The following STARD13 variants were observed in gnomAD, a reference collection of about 807,000 sequenced individuals.
STARD13 encodes the protein stAR-related lipid transfer protein 13.
A neutral mutation model predicts 106.4 loss-of-function variants in STARD13; 62 were observed. The observed-to-expected ratio is 0.58, with a 90% CI of 0.48 to 0.72. The LOEUF (loss-of-function observed/expected upper bound fraction) is 0.72. Ranked by LOEUF, STARD13 falls within the 30% of genes least tolerant of loss-of-function variation. STARD13 has a pLI of 0.00. For missense variants in STARD13, 1,387 were observed against 1,424.0 expected, an observed-to-expected ratio of 0.97 and a Z score of 0.42; for synonymous variants, 565 against 553.0, an observed-to-expected ratio of 1.02 and a Z score of -0.31.
Position 33,300,918 on chromosome 13 carries a change from C to T in STARD13, c.124+49372G>A, listed in dbSNP as rs573932924. Among the ~76,000 whole-genome samples the T allele has an allele frequency of 9.9e-5, 15 of 152,252 alleles. No homozygotes were observed. The South Asian group carries it at 1.0e-3, about 11-fold the overall frequency. ...AGAGGCTTTGAACATGCGCTTCCCT[C>T]GTACTGAGCTAAAATGCTAACCATC... On this transcript the variant is annotated intron_variant, in intron 1 of 5. Coordinates refer to the STARD13 transcript ENST00000567873.
At chr13:33,523,629 T>C in the STARD13 span, among the ~76,000 whole-genome samples, 5 of 152,148 alleles carry the variant, frequency 3.3e-5, no homozygotes, top group Non-Finnish European at 4.4e-5. Flanking sequence ...TCAAAAAAGT[T>C]ATAAATATAA....
At chr13:33,421,077 GCAGAAGGCAAGAAATAACTAAGAT>G in the STARD13 span, among the ~76,000 whole-genome samples, 1 of 152,146 alleles carries the variant, frequency 6.6e-6, no homozygotes, top group Non-Finnish European at 1.5e-5. Context: ...TCAAAAGCTA[GCAGAAGGCAAGAAATAACTAAGAT>G]CAGAGCAGAA....
At chr13:33,223,751 G>T (rs1000472130) in intron 1 of STARD13, among the ~76,000 whole-genome samples, 1 of 151,974 alleles carries the variant, frequency 6.6e-6, no homozygotes, top group Non-Finnish European at 1.5e-5. Flanking sequence ...CCTCTATCTT[G>T]TAAGTATGCC....
At chr13:33,350,585 C>T in exon 1 of STARD13, 2 of 1,388,654 alleles carry the variant, frequency 1.4e-6, no homozygotes. Flanking sequence ...GCGCCACGCG[C>T]GAGGACCGGG....
At chr13:33,495,825 ATAT>A in the STARD13 span, among the ~76,000 whole-genome samples, 1 of 145,560 alleles carries the variant, frequency 6.9e-6, no homozygotes, top group African/African-American at 2.5e-5. Flanking sequence ...TACATAATTA[ATAT>A]TATACAATTA....
chr13:33,308,520 C>CTTTTTTTTTTTTTTTTTTTTTTTTTTTT (rs552526416), intron 1 of STARD13, among the ~76,000 whole-genome samples: 23 of 88,550 alleles, frequency 2.6e-4, no homozygotes, highest in Non-Finnish European at 3.0e-4. Context: ...CTTTTTCTTT[C>CTTTTTTTTTTTTTTTTTTTTTTTTTTTT]TTTTTTTTTT....
chr13:33,377,731 A>G, the STARD13 span, among the ~76,000 whole-genome samples: 362 of 152,266 alleles, frequency 2.4e-3, 2 homozygotes, highest in African/African-American at 7.6e-3. Flanking sequence ...CCATATCACA[A>G]TAGAAAAGCC....
At chr13:33,500,445 T>C in the STARD13 span, among the ~76,000 whole-genome samples, 13 of 152,240 alleles carry the variant, frequency 8.5e-5, no homozygotes, top group African/African-American at 3.1e-4. Flanking sequence ...TGTATCATTA[T>C]ACTTATAAAA....
At chr13:33,141,636 C>T (rs1879844793) in intron 4 of STARD13, among the ~76,000 whole-genome samples, 2 of 151,954 alleles carry the variant, frequency 1.3e-5, no homozygotes, top group Non-Finnish European at 2.9e-5. Flanking sequence ...GTCCCTGGGC[C>T]CCCTCATACA....
At chr13:33,343,601 ATC>A (rs769732789) in intron 1 of STARD13, among the ~76,000 whole-genome samples, 8,642 of 73,904 alleles carry the variant, frequency 0.12, 1,480 homozygotes, top group African/African-American at 0.16. Context: ...AAAAAAACAA[ATC>A]TACAAATCTA....
chr13:33,141,165 A>G (rs1231971970), intron 4 of STARD13, among the ~76,000 whole-genome samples: 1 of 152,156 alleles, frequency 6.6e-6, no homozygotes. Flanking sequence ...GTAGTTAAGG[A>G]CCCTAATTCT....
intron 1 of STARD13, among the ~76,000 whole-genome samples, chr13:33,172,270 G>T (rs1192308480): frequency 6.6e-6 from 1 of 152,106 alleles, no homozygotes; most frequent in Non-Finnish European, 1.5e-5. Flanking sequence ...CGAGAATGAT[G>T]CTTATTTTTT....
At chr13:33,405,670 T>G in the STARD13 span, among the ~76,000 whole-genome samples, 1 of 152,258 alleles carries the variant, frequency 6.6e-6, no homozygotes, top group East Asian at 1.9e-4. Context: ...CATGGTTCTG[T>G]GTGCTAACAA....
chr13:33,563,259 C>T, the STARD13 span, among the ~76,000 whole-genome samples: 25 of 146,684 alleles, frequency 1.7e-4, 3 homozygotes, highest in Admixed American at 2.1e-4. Flanking sequence ...ACCAAAGACC[C>T]CATATAGCCA....
chr13:33,375,074 C>A, the STARD13 span, among the ~76,000 whole-genome samples: 587 of 152,298 alleles, frequency 3.9e-3, no homozygotes, highest in Admixed American at 7.2e-3. Flanking sequence ...CAGTGAAACT[C>A]TTCCGGGTAG....
the STARD13 span, among the ~76,000 whole-genome samples, chr13:33,421,016 G>T: frequency 3.3e-5 from 5 of 152,098 alleles, no homozygotes; most frequent in African/African-American, 1.2e-4. Context: ...AACTAAAATC[G>T]ACATGCTAAC....
the STARD13 span, among the ~76,000 whole-genome samples, chr13:33,531,247 T>C: frequency 2.6e-5 from 4 of 152,334 alleles, no homozygotes; most frequent in African/African-American, 7.2e-5. Flanking sequence ...CCTCTTTCTT[T>C]TGTAAATTGT....
At chr13:33,360,896 C>T in the STARD13 span, among the ~76,000 whole-genome samples, 7 of 147,802 alleles carry the variant, frequency 4.7e-5, no homozygotes, top group South Asian at 6.6e-4. Flanking sequence ...CCCAGGTTCA[C>T]GCCATTCTCC....
chr13:33,234,317 C>T (rs1405810802), intron 1 of STARD13, among the ~76,000 whole-genome samples: 2 of 152,210 alleles, frequency 1.3e-5, no homozygotes, highest in Non-Finnish European at 2.9e-5. Flanking sequence ...TGAGAAAATG[C>T]TCCTGAGGAT....
Sources: allele counts gnomAD v4.1 joint callset (sites outside exome capture counted in the v4.1 genomes callset), GRCh38; gene constraint gnomAD v4.1.1; transcripts MANE v1.5; gene names NCBI Gene and HGNC (gene_info 2026-07-23, HGNC 2026-07-21).